Variants in KLHL4 observed in about 807,000 individuals in gnomAD.
KLHL4 encodes kelch like family member 4.
In KLHL4, 17 loss-of-function variants were observed where a neutral mutation model predicts 45.8. That is an observed-to-expected ratio of 0.37 (90% confidence interval 0.25 to 0.56). The LOEUF (loss-of-function observed/expected upper bound fraction) is 0.56. Ranked by LOEUF, KLHL4 falls within the 20% of genes least tolerant of loss-of-function variation. The probability of loss-of-function intolerance (pLI) is 0.79; values close to 1 mark genes in which losing one functional copy is unlikely to be tolerated. For synonymous variants in KLHL4, 224 were observed against 189.9 expected (o/e 1.18, Z -1.47); for missense variants, 544 against 544.9 (o/e 1.00, Z 0.02).
chrX:87,613,823 A>T (rs910596969), intron 1 of KLHL4, 54 bp from the exon 2 acceptor site: 25 of 960,164 alleles, frequency 2.6e-5, no homozygotes, highest in Middle Eastern at 3.1e-4. Context: ...GAAAAATTAA[A>T]TTTTTTACAA....
intron 1 of KLHL4, among the ~76,000 whole-genome samples, chrX:87,591,539 T>C (rs1256039274): frequency 1.8e-5 from 2 of 111,645 alleles, no homozygotes; most frequent in East Asian, 5.6e-4. Flanking sequence ...CCTTGTATAT[T>C]CTGGATATCA....
intron 1 of KLHL4, among the ~76,000 whole-genome samples, chrX:87,523,230 C>A (rs1025676958): frequency 4.5e-5 from 5 of 111,439 alleles, no homozygotes; most frequent in African/African-American, 1.6e-4. Flanking sequence ...CTGACCCTTG[C>A]CCCTAATGCT....
chrX:87,577,977 T>A (rs1193431550), intron 1 of KLHL4, among the ~76,000 whole-genome samples: 1 of 111,615 alleles, frequency 9.0e-6, no homozygotes, highest in Non-Finnish European at 1.9e-5. Context: ...TTATAAAAAA[T>A]TATACTAGAA....
intron 1 of KLHL4, among the ~76,000 whole-genome samples, chrX:87,609,681 A>T (rs1922310719): frequency 9.0e-6 from 1 of 111,043 alleles, no homozygotes; most frequent in African/African-American, 3.3e-5. Context: ...AGATGAGTAG[A>T]TTGCAAAAAT....
chrX:87,667,581 G>A lies in KLHL4; in HGVS notation c.*1047G>A. On this transcript the variant is annotated 3_prime_UTR_variant, in exon 11 of 11. Transcript: ENST00000373119. Reference sequence around the variant, plus strand: ...TATCCAGTAGAAAATGTTAGGATATGTGTGCTATATAAAAAAAAAAAAAGA... The same window carrying A: ...TATCCAGTAGAAAATGTTAGGATATATGTGCTATATAAAAAAAAAAAAAGA... The A allele has an allele frequency of 8.4e-6, 5 of 598,348 alleles. No homozygotes were observed. Among genetic ancestry groups the A allele is most frequent in the Non-Finnish European group, 9.9e-6 (5 of 503,830 alleles). 49.3% of individuals were successfully genotyped at this position (598,348 alleles called of 1,213,427 possible). A position where few individuals can be genotyped will look rare whatever the true frequency, so the allele number is the denominator to read the frequency against.
intron 9 of KLHL4, among the ~76,000 whole-genome samples, chrX:87,655,751 C>T (rs187964899): frequency 3.1e-4 from 35 of 111,150 alleles, no homozygotes; most frequent in African/African-American, 1.1e-3. Context: ...ACTTTGTAGC[C>T]TTATTTGTGT....
chrX:87,589,643 A>G (rs1420089480), intron 1 of KLHL4, among the ~76,000 whole-genome samples: 1 of 110,830 alleles, frequency 9.0e-6, no homozygotes, highest in Non-Finnish European at 1.9e-5. Context: ...GAGTAGAAAG[A>G]TGGTTATTAG....
intron 9 of KLHL4, among the ~76,000 whole-genome samples, chrX:87,651,371 C>T (rs546982161): frequency 8.0e-5 from 9 of 111,910 alleles, no homozygotes; most frequent in Middle Eastern, 4.6e-3. Context: ...GTCCTCCAAA[C>T]TCTTAACTCA....
intron 6 of KLHL4, among the ~76,000 whole-genome samples, chrX:87,627,030 G>A (rs1414406103): frequency 8.9e-6 from 1 of 112,149 alleles, no homozygotes; most frequent in East Asian, 2.8e-4. Context: ...TGGCTAGGAA[G>A]TGTCAGGTGT....
intron 1 of KLHL4, among the ~76,000 whole-genome samples, chrX:87,582,162 TC>T (rs1921302143): frequency 9.0e-6 from 1 of 110,688 alleles, no homozygotes; most frequent in Non-Finnish European, 1.9e-5. Flanking sequence ...AAATAGATCA[TC>T]CCCCCTGCAA....
chrX:87,572,574 T>C (rs953296575), intron 1 of KLHL4, among the ~76,000 whole-genome samples: 1 of 110,866 alleles, frequency 9.0e-6, no homozygotes, highest in Non-Finnish European at 1.9e-5. Context: ...TATTAAAACA[T>C]ATACTGAAGA....
chrX:87,650,620 C>A (rs183872987), intron 9 of KLHL4, among the ~76,000 whole-genome samples: 1 of 112,026 alleles, frequency 8.9e-6, no homozygotes, highest in Non-Finnish European at 1.9e-5. Context: ...ATGATAGTAG[C>A]TCTTGGTTTT....
chrX:87,518,347 G>A (rs779873296), intron 1 of KLHL4, 32 bp downstream of exon 1: 2 of 1,051,142 alleles, frequency 1.9e-6, no homozygotes, highest in Non-Finnish European at 2.6e-6. Flanking sequence ...ACTGAATGCC[G>A]TAACTTCAGT....
At chrX:87,642,044 A>C (rs899769373) in intron 9 of KLHL4, among the ~76,000 whole-genome samples, 1 of 110,082 alleles carries the variant, frequency 9.1e-6, no homozygotes, top group Non-Finnish European at 1.9e-5. Flanking sequence ...ACCATAGCTG[A>C]TGCTTTCTGG....
At chrX:87,584,561 A>C (rs1475840167) in intron 1 of KLHL4, among the ~76,000 whole-genome samples, 1 of 111,842 alleles carries the variant, frequency 8.9e-6, no homozygotes, top group African/African-American at 3.3e-5. Context: ...ATAAAAGTGC[A>C]ATTTTACCAC....
chrX:87,535,025 G>A (rs1006422595), intron 1 of KLHL4, among the ~76,000 whole-genome samples: 1 of 111,787 alleles, frequency 8.9e-6, no homozygotes, highest in Non-Finnish European at 1.9e-5. Context: ...ATGAAGTATT[G>A]TAGATACACT....
rs774352632 is a variant in KLHL4 at position 87,666,505 on chromosome X, G to T, written c.2128G>T (p.Ala710Ser). The change falls in exon 11 of 11, where the codon GCA becomes TCA. Residue 710 changes from alanine (A) to serine (S), a missense_variant. Coordinates refer to ENST00000373119, the MANE Select transcript of KLHL4 (RefSeq NM_019117.5). ...EVPVNIGRAG[A>S]CVVVVKLP ...TCCTGTTAACATTGGAAGAGCTGGT[G>T]CATGTGTTGTAGTGGTGAAGCTACC... 8.0e-5 allele frequency: 95 copies of T among 1,191,990 alleles called. No homozygotes were observed. The highest frequency in any genetic ancestry group is 1.0e-4 in the Non-Finnish European group (88 of 882,006).
At chrX:87,622,164 G>C (rs1922770509) in intron 4 of KLHL4, 47 bp from the exon 5 acceptor site, 1 of 893,472 alleles carries the variant, frequency 1.1e-6, no homozygotes, top group Non-Finnish European at 1.6e-6. Flanking sequence ...ATTCCATTAA[G>C]AAATTTCTAA....
intron 1 of KLHL4, among the ~76,000 whole-genome samples, chrX:87,529,626 A>G (rs1477419266): frequency 1.8e-5 from 2 of 111,402 alleles, no homozygotes; most frequent in Non-Finnish European, 3.8e-5. Context: ...TAGACTGCAT[A>G]TGCTTCAGAA....
Sources: allele counts gnomAD v4.1 joint callset (sites outside exome capture counted in the v4.1 genomes callset), GRCh38; gene constraint gnomAD v4.1.1; transcripts MANE v1.5; gene names NCBI Gene and HGNC (gene_info 2026-07-23, HGNC 2026-07-21).